The following ZC3H7A variants were observed in gnomAD, a reference collection of about 807,000 sequenced individuals.
The protein encoded by ZC3H7A is zinc finger CCCH domain-containing protein 7A.
Under a neutral mutation model 125.5 loss-of-function variants are expected in ZC3H7A, and 44 were observed. The observed-to-expected ratio is 0.35, with a 90% CI of 0.28 to 0.45. The LOEUF (loss-of-function observed/expected upper bound fraction) is 0.45, where lower values mean the gene tolerates loss of function less well. ZC3H7A is among the 20% of genes least tolerant of loss of function. The probability of loss-of-function intolerance (pLI) is 1.00; values close to 1 mark genes in which losing one functional copy is unlikely to be tolerated. For missense variants in ZC3H7A, 977 were observed against 1,170.7 expected, an observed-to-expected ratio of 0.83 and a Z score of 2.41; for synonymous variants, 399 against 391.2, an observed-to-expected ratio of 1.02 and a Z score of -0.23.
chr16:11,795,066 C>T (rs2053415011), intron 1 of ZC3H7A, among the ~76,000 whole-genome samples: 2 of 152,192 alleles, frequency 1.3e-5, no homozygotes, highest in Non-Finnish European at 1.5e-5. Flanking sequence ...GCCTCAACAA[C>T]TCATGATCTC....
intron 1 of ZC3H7A, among the ~76,000 whole-genome samples, chr16:11,794,321 T>A (rs1025739160): frequency 2.2e-4 from 33 of 152,360 alleles, no homozygotes; most frequent in African/African-American, 7.7e-4. Flanking sequence ...TGTGAAAAAG[T>A]AACCTCGTTG....
At chr16:11,781,141 T>A (rs2053167236) in intron 3 of ZC3H7A, among the ~76,000 whole-genome samples, 1 of 152,194 alleles carries the variant, frequency 6.6e-6, no homozygotes, top group South Asian at 2.1e-4. Flanking sequence ...GCAAACTTTT[T>A]CTGCAAATGC....
At chr16:11,783,277 T>A (rs2053202572) in intron 1 of ZC3H7A, among the ~76,000 whole-genome samples, 1 of 152,218 alleles carries the variant, frequency 6.6e-6, no homozygotes, top group Non-Finnish European at 1.5e-5. Context: ...ATTTTCTGGA[T>A]ATTAAAATGT....
rs2053372491 is a variant in ZC3H7A, at chr16:11,792,637, C to T, written c.-35+4487G>A. ...CTTTATACGTATTAAGTCATTTAAT[C>T]CTCCTGCTAACCTTAAGTGACAGGT... On this transcript the variant is annotated intron_variant, in intron 1 of 22. Coordinates refer to ENST00000355758, the MANE Select transcript of ZC3H7A (RefSeq NM_014153.4). 2.0e-5 allele frequency among the ~76,000 whole-genome samples: 3 copies of T among 152,308 alleles called. 1 individual carries two copies. The South Asian group carries it at 6.2e-4, about 32-fold the overall frequency.
intron 20 of ZC3H7A, among the ~76,000 whole-genome samples, chr16:11,757,063 T>C (rs1020583877): frequency 1.3e-5 from 2 of 152,182 alleles, no homozygotes; most frequent in Non-Finnish European, 2.9e-5. Flanking sequence ...GGGTATGCCC[T>C]GTGCATTACA....
chr16:11,771,276 T>C (rs1006907040), intron 9 of ZC3H7A, among the ~76,000 whole-genome samples: 1 of 151,738 alleles, frequency 6.6e-6, no homozygotes, highest in Non-Finnish European at 1.5e-5. Flanking sequence ...TAGTCCCAGC[T>C]ACTCAGGAGG....
chr16:11,792,749 A>T (rs908355411), intron 1 of ZC3H7A, among the ~76,000 whole-genome samples: 2 of 152,238 alleles, frequency 1.3e-5, no homozygotes, highest in Admixed American at 1.3e-4. Flanking sequence ...TCAAAGGCAG[A>T]CAGCCTGGCT....
At chr16:11,758,364 T>A (rs985597522) in intron 20 of ZC3H7A, 67 bp downstream of exon 20, 1 of 1,186,648 alleles carries the variant, frequency 8.4e-7, no homozygotes, top group Non-Finnish European at 1.3e-6. Flanking sequence ...GAAGCTGGCA[T>A]ATTTATAGAG....
At position 11,752,837 on chromosome 16, in the gene ZC3H7A, T is replaced by C; in HGVS notation, c.2563-5A>G. 2.5e-6 allele frequency: 4 copies of C among 1,611,616 alleles called. No individual in the cohort carries two copies. The highest frequency in any genetic ancestry group is 3.4e-6 in the Non-Finnish European group (4 of 1,179,158). ...CATCCAGCAGTGAAAGTCCACCTAA[T>C]GTGCAGCAAAGACACATGTCCCATT... On this transcript the variant is annotated splice_region_variant and splice_polypyrimidine_tract_variant and intron_variant, in intron 21 of 22. Transcript: ENST00000355758.
intron 1 of ZC3H7A, among the ~76,000 whole-genome samples, chr16:11,790,722 A>G (rs1008766932): frequency 6.6e-6 from 1 of 151,956 alleles, no homozygotes; most frequent in African/African-American, 2.4e-5. Context: ...TATTTTTAGT[A>G]GAGATGAGGT....
In ZC3H7A at chr16:11,761,397, C is replaced by T; in HGVS notation, c.2319+9G>A. On this transcript the variant is annotated intron_variant, in intron 19 of 22. Transcript: ENST00000355758. ...TTTAAAAAAAGTGGCTTAAAAATTA[C>T]GTATGTACATCAAACTGTAAAGGCA... The T allele has an allele frequency of 6.2e-7, 1 of 1,611,408 alleles. No homozygotes were observed. Among genetic ancestry groups the T allele is most frequent in the Non-Finnish European group, 8.5e-7 (1 of 1,178,404 alleles).
rs1278189001 is a variant in ZC3H7A at position 11,786,780 on chromosome 16, CAATTAT to C, written c.-34-4398_-34-4393del. Among the ~76,000 whole-genome samples the C allele has an allele frequency of 2.0e-5, 3 of 152,142 alleles. No individual in the cohort carries two copies. In the East Asian group the frequency reaches 5.8e-4, roughly 29 times the overall value. ...CTCAAACACACAGTAAAGTTAAAAA[CAATTAT>C]AATACTGTATGCCCAAACCCACAAT... On this transcript the variant is annotated intron_variant, in intron 1 of 22. Coordinates refer to ENST00000355758, the MANE Select transcript of ZC3H7A (RefSeq NM_014153.4).
At chr16:11,767,811 C>G (rs772027807) in intron 12 of ZC3H7A, among the ~76,000 whole-genome samples, 5 of 152,110 alleles carry the variant, frequency 3.3e-5, no homozygotes, top group Non-Finnish European at 7.4e-5. Flanking sequence ...AAAAAATACC[C>G]TTACTTAACT....
In ZC3H7A at chr16:11,789,460, G is replaced by C. The variant is rs528858320; in HGVS notation, c.-34-7072C>G. Among the ~76,000 whole-genome samples the C allele has an allele frequency of 3.8e-3, 580 of 152,040 alleles. 2 individuals carry two copies. Among genetic ancestry groups the C allele is most frequent in the Non-Finnish European group, 6.1e-3 (413 of 67,998 alleles). ...GTAGAGATGGGGTTTCACCATGTTG[G>C]CCAGGCTGGTCTTGAACTCCTGACC... On this transcript the variant is annotated intron_variant, in intron 1 of 22. Transcript: ENST00000355758.
At chr16:11,791,014 G>C (rs1039212833) in intron 1 of ZC3H7A, among the ~76,000 whole-genome samples, 1 of 151,728 alleles carries the variant, frequency 6.6e-6, no homozygotes, top group East Asian at 1.9e-4. Flanking sequence ...TCAAGGCTCA[G>C]CAAGCTATAA....
At chr16:11,760,142 A>G (rs1017418854) in intron 19 of ZC3H7A, among the ~76,000 whole-genome samples, 113 of 151,110 alleles carry the variant, frequency 7.5e-4, no homozygotes, top group Non-Finnish European at 1.5e-3. Flanking sequence ...AAAAAAAAAA[A>G]AAAGAAAAAA....
rs1359998964 is a variant in ZC3H7A at position 11,797,068 on chromosome 16, CG to C, written c.-35+55del. ...GAGGCGGCGGCGCGCGCGGGGGGGGCGGGGGCGCGGGCGCGCGCGTTTCCTT... is the reference window on the plus strand; with the variant it reads ...GAGGCGGCGGCGCGCGCGGGGGGGGCGGGGCGCGGGCGCGCGCGTTTCCTT... On this transcript the variant is annotated intron_variant, in intron 1 of 22. Coordinates refer to ENST00000355758, the MANE Select transcript of ZC3H7A (RefSeq NM_014153.4). 11 of 135,182 alleles carry C rather than the reference CG, an allele frequency of 8.1e-5. No individual in the cohort carries two copies. The East Asian group carries it at 2.6e-3, about 32-fold the overall frequency. The allele number at this position is 135,182 out of a possible 1,614,324, so 8.4% of individuals were successfully genotyped here.
intron 7 of ZC3H7A, 93 bp downstream of exon 7, chr16:11,776,227 A>G (rs983511608): frequency 3.0e-6 from 4 of 1,329,350 alleles, no homozygotes; most frequent in Non-Finnish European, 4.2e-6. Flanking sequence ...AAAGGTTCCA[A>G]AAATAAACAC....
rs367981608 is a variant in ZC3H7A, at chr16:11,782,382, G to T, written c.-28C>A. 1 of 1,613,498 alleles carries T rather than the reference G, an allele frequency of 6.2e-7. No homozygotes were observed. The highest frequency in any genetic ancestry group is 8.5e-7 in the Non-Finnish European group (1 of 1,179,664). On this transcript the variant is annotated 5_prime_UTR_variant, in exon 2 of 23. Coordinates refer to ENST00000355758, the MANE Select transcript of ZC3H7A (RefSeq NM_014153.4). ...TATCCCACACATCCACTTTCTAAAT[G>T]AGCAATCTGGAAAGAAACAAGGCAA...
Sources: gnomAD v4.1 joint callset for allele counts (sites outside exome capture counted in the v4.1 genomes callset) on GRCh38, gnomAD v4.1.1 for gene constraint, MANE v1.5 for transcripts, NCBI Gene and HGNC (gene_info 2026-07-23, HGNC 2026-07-21) for gene names.